The following MSRA variants were observed in gnomAD, a reference collection of about 807,000 sequenced individuals.
The protein encoded by MSRA is methionine sulfoxide reductase A.
A neutral mutation model predicts 31.3 loss-of-function variants in MSRA; 54 were observed. The ratio of observed to expected loss-of-function variants is 1.73; its 90% CI spans 1.39 to 2.17. The LOEUF (loss-of-function observed/expected upper bound fraction) is 2.17. MSRA is among the 30% of genes most tolerant of loss of function. The probability of loss-of-function intolerance (pLI) is 0.00; values close to 1 mark genes in which losing one functional copy is unlikely to be tolerated. For synonymous variants in MSRA, 169 were observed against 116.5 expected, an observed-to-expected ratio of 1.45 and a Z score of -2.90; for missense variants, 507 against 300.9, an observed-to-expected ratio of 1.69 and a Z score of -5.07.
chr8:10,212,142 G>C (rs578074430), intron 2 of MSRA, among the ~76,000 whole-genome samples: 1 of 151,768 alleles, frequency 6.6e-6, no homozygotes, highest in South Asian at 2.1e-4. Flanking sequence ...AGCCGAGATC[G>C]CGCCACTGCA....
At chr8:10,326,335 A>AG (rs1194986249) in intron 5 of MSRA, 1 of 152,250 alleles carries the variant, frequency 6.6e-6, no homozygotes, top group Non-Finnish European at 1.5e-5. Flanking sequence ...AGTACTGCTG[A>AG]GGAGCCAGAA....
chr8:10,094,542 G>A (rs545295887), intron 1 of MSRA, among the ~76,000 whole-genome samples: 1 of 152,346 alleles, frequency 6.6e-6, no homozygotes, highest in African/African-American at 2.4e-5. Context: ...AAACTGAGGA[G>A]ATTAGATAGA....
intron 5 of MSRA, among the ~76,000 whole-genome samples, chr8:10,355,673 G>A (rs1228567772): frequency 6.6e-6 from 1 of 152,134 alleles, no homozygotes; most frequent in Non-Finnish European, 1.5e-5. Context: ...TGAATGTCCT[G>A]GCTGCTGGGA....
At chr8:10,157,767 C>G (rs1208767676) in intron 1 of MSRA, among the ~76,000 whole-genome samples, 1 of 152,080 alleles carries the variant, frequency 6.6e-6, no homozygotes, top group African/African-American at 2.4e-5. Flanking sequence ...CCCCCTCTCT[C>G]TGCCCGCCCT....
chr8:10,348,357 CTTTTTTT>C lies in MSRA; in HGVS notation c.543+28387_543+28393del, dbSNP rs34083972. Among the ~76,000 whole-genome samples, 371 of 64,292 alleles carry C rather than the reference CTTTTTTT, an allele frequency of 5.8e-3. 1 individual carries two copies. The highest frequency in any genetic ancestry group is 0.023 in the African/African-American group (349 of 15,086). The allele number at this position is 64,292 out of a possible 152,430, so 42.2% of individuals were successfully genotyped here. On this transcript the variant is annotated intron_variant, in intron 5 of 5. Coordinates refer to ENST00000317173, the MANE Select transcript of MSRA (RefSeq NM_012331.5). The stretch of plus-strand genomic sequence containing the variant: ...CCAACTTATATCCAGAAATTATTGC[CTTTTTTT>C]TTTTTTTTTTTTTTTTTTGGACAGA...
chr8:10,228,618 G>T (rs59512691), intron 2 of MSRA, among the ~76,000 whole-genome samples: 3,673 of 152,258 alleles, frequency 0.024, 87 homozygotes, highest in East Asian at 0.13. Context: ...AGCTTCTGAC[G>T]TTGTTTCCAG....
At chr8:10,101,522 C>G (rs1017166253) in intron 1 of MSRA, among the ~76,000 whole-genome samples, 1 of 152,132 alleles carries the variant, frequency 6.6e-6, no homozygotes, top group African/African-American at 2.4e-5. Context: ...TAAACAATAA[C>G]TTTCTATTCT....
chr8:10,259,899 C>T (rs529428169), intron 3 of MSRA, among the ~76,000 whole-genome samples: 73 of 152,222 alleles, frequency 4.8e-4, no homozygotes, highest in Non-Finnish European at 9.6e-4. Flanking sequence ...CCGCCTCACC[C>T]CCTCTGTAGG....
At chr8:10,242,675 T>C (rs537057226) in intron 2 of MSRA, among the ~76,000 whole-genome samples, 1 of 152,326 alleles carries the variant, frequency 6.6e-6, no homozygotes, top group South Asian at 2.1e-4. Context: ...ATTATTGAAA[T>C]TTATGAGTAA....
rs185815863 is a variant in MSRA at position 10,210,232 on chromosome 8, G to A, written c.211+2331G>A. 8.9e-4 allele frequency among the ~76,000 whole-genome samples: 135 copies of A among 152,248 alleles called. 1 individual carries two copies. Among genetic ancestry groups the A allele is most frequent in the African/African-American group, 2.9e-3 (119 of 41,548 alleles). On this transcript the variant is annotated intron_variant, in intron 2 of 5. Transcript: ENST00000317173. ...GGACTCATATACTCCTCTTCCTAGC[G>A]AGGCCATGTGACTTATCCAGAGCCA...
intron 3 of MSRA, among the ~76,000 whole-genome samples, chr8:10,255,239 A>C (rs1798115381): frequency 6.6e-6 from 1 of 152,226 alleles, no homozygotes; most frequent in Non-Finnish European, 1.5e-5. Flanking sequence ...AGCCCACTGC[A>C]AGGCTGCACT....
Position 10,235,227 on chromosome 8 carries a change from T to C in MSRA, c.212-9877T>C, listed in dbSNP as rs1037317212. Reference sequence around the variant, plus strand: ...ATAATGAAGACCACATTCTCTAACATGATGCAATCAAATCGGAAATAAAAT... The same window carrying C: ...ATAATGAAGACCACATTCTCTAACACGATGCAATCAAATCGGAAATAAAAT... On this transcript the variant is annotated intron_variant, in intron 2 of 5. Transcript: ENST00000317173. 2.0e-5 allele frequency among the ~76,000 whole-genome samples: 3 copies of C among 152,216 alleles called. No individual in the cohort carries two copies. The South Asian group carries it at 6.2e-4, about 32-fold the overall frequency.
At chr8:10,173,604 A>G (rs1234006468) in intron 1 of MSRA, among the ~76,000 whole-genome samples, 1 of 152,176 alleles carries the variant, frequency 6.6e-6, no homozygotes, top group African/African-American at 2.4e-5. Flanking sequence ...ACGTATGCTC[A>G]GCACTCCTTG....
intron 5 of MSRA, among the ~76,000 whole-genome samples, chr8:10,383,969 G>T (rs1806230814): frequency 6.6e-6 from 1 of 152,134 alleles, no homozygotes; most frequent in African/African-American, 2.4e-5. Context: ...CAGAGGGTGA[G>T]GGCTGCAGCC....
chr8:10,351,901 AC>A (rs2129158974), intron 5 of MSRA, among the ~76,000 whole-genome samples: 1 of 152,284 alleles, frequency 6.6e-6, no homozygotes, highest in South Asian at 2.1e-4. Context: ...GCTTCTCTGG[AC>A]CCTGGCTGTC....
At chr8:10,213,571 G>C (rs1809713073) in intron 2 of MSRA, among the ~76,000 whole-genome samples, 1 of 151,562 alleles carries the variant, frequency 6.6e-6, no homozygotes, top group African/African-American at 2.4e-5. Flanking sequence ...CGAGTAGCTG[G>C]GATGACAGGT....
intron 1 of MSRA, among the ~76,000 whole-genome samples, chr8:10,070,260 G>A (rs774393729): frequency 1.1e-4 from 16 of 152,280 alleles, no homozygotes; most frequent in Non-Finnish European, 1.8e-4. Flanking sequence ...CGTGGCAGCC[G>A]GGTTATGGTA....
chr8:10,126,063 C>A (rs374758423), intron 1 of MSRA, among the ~76,000 whole-genome samples: 2 of 152,150 alleles, frequency 1.3e-5, no homozygotes. Flanking sequence ...CAGGGAAAAC[C>A]GTGGAAATCA....
At chr8:10,369,082 G>C (rs988201670) in intron 5 of MSRA, among the ~76,000 whole-genome samples, 1 of 152,190 alleles carries the variant, frequency 6.6e-6, no homozygotes, top group African/African-American at 2.4e-5. Context: ...ATGAGTTCGA[G>C]ATGAACTCTA....
Sources: allele counts gnomAD v4.1 joint callset (sites outside exome capture counted in the v4.1 genomes callset), GRCh38; gene constraint gnomAD v4.1.1; transcripts MANE v1.5; gene names NCBI Gene and HGNC (gene_info 2026-07-23, HGNC 2026-07-21).